The following CRBN variants were observed in gnomAD, a reference collection of about 807,000 sequenced individuals.
The protein encoded by CRBN is cereblon.
CRBN carries 53 observed loss-of-function variants against 62.2 expected under a neutral mutation model. The ratio of observed to expected loss-of-function variants is 0.85; its 90% CI spans 0.68 to 1.07. The LOEUF is 1.07. Among genes scored for constraint, CRBN ranks in the 50% least tolerant of loss-of-function variants. The pLI is 0.00. For missense variants in CRBN, 616 were observed against 531.1 expected (o/e 1.16, Z -1.57); for synonymous variants, 208 against 176.1 (o/e 1.18, Z -1.43).
chr3:3,152,766 G>C (rs536256622), intron 9 of CRBN, among the ~76,000 whole-genome samples, 179 bp from the exon 10 acceptor site: 1 of 152,172 alleles, frequency 6.6e-6, no homozygotes, highest in Non-Finnish European at 1.5e-5. Context: ...ACAGCTGGCA[G>C]ACAGGCCTGT....
intron 2 of CRBN, among the ~76,000 whole-genome samples, chr3:3,174,765 T>C (rs1259244568): frequency 6.6e-6 from 1 of 152,260 alleles, no homozygotes; most frequent in African/African-American, 2.4e-5. Flanking sequence ...TTCTAATCTT[T>C]TATGAATATA....
Position 3,152,579 on chromosome 3 carries a change from A to G in CRBN, c.1025T>C (p.Leu342Ser). The G allele has an allele frequency of 6.2e-7, 1 of 1,614,100 alleles. No homozygotes were observed. The part of the protein sequence containing the change: ...TTKNEIFSLS[L>S]CGPMAAYVNP... The stretch of plus-strand genomic sequence containing the variant: ...CACATAAGCTGCCATCGGCCCACAT[A>G]AGGATAAACTAAAACAAAGAATCAA... The change falls in exon 10 of 11, where the codon TTA becomes TCA. Residue 342 changes from leucine to serine, a missense_variant. Leu to Ser is a moderately radical substitution (Grantham distance 145, BLOSUM62 -2). Transcript: ENST00000231948.
chr3:3,173,905 C>T, intron 3 of CRBN, 154 bp downstream of exon 3: 1 of 688,986 alleles, frequency 1.5e-6, no homozygotes, highest in Non-Finnish European at 2.6e-6. Flanking sequence ...CCAACTTGCA[C>T]TATCAAACTT....
At chr3:3,166,250 C>T (rs1227945443) in intron 5 of CRBN, among the ~76,000 whole-genome samples, 3 of 152,180 alleles carry the variant, frequency 2.0e-5, no homozygotes, top group Non-Finnish European at 4.4e-5. Context: ...GAATGAGTCT[C>T]ATGAGATCTG....
At chr3:3,169,855 G>C (rs1707525708) in intron 4 of CRBN, among the ~76,000 whole-genome samples, 1 of 151,608 alleles carries the variant, frequency 6.6e-6, no homozygotes, top group Admixed American at 6.6e-5. Context: ...TAAGAAGTAG[G>C]AACTTCTGAA....
At position 3,151,753 on chromosome 3, in the gene CRBN, C is replaced by CT. The variant is rs1706568279; in HGVS notation, c.1148+702dup. ...CATGTAATCCCTTCTTAGCATCCCT[C>CT]TTTGAAAACTGAAGATAGTACAGCT... is the stretch of plus-strand genomic sequence containing the variant. On this transcript the variant is annotated intron_variant, in intron 10 of 10. Coordinates refer to ENST00000231948, the MANE Select transcript of CRBN (RefSeq NM_016302.4). Among the ~76,000 whole-genome samples, 14 of 152,246 alleles carry CT rather than the reference C, an allele frequency of 9.2e-5. No homozygotes were observed. The South Asian group carries it at 2.9e-3, about 32-fold the overall frequency.
chr3:3,155,576 A>C (rs1284386541), intron 6 of CRBN: 1 of 153,434 alleles, frequency 6.5e-6, no homozygotes, highest in Admixed American at 6.5e-5. Flanking sequence ...CCATTTCAGC[A>C]CTGTCCCTTA....
chr3:3,156,206 G>C lies in CRBN; in HGVS notation c.750+13C>G. 1 of 1,602,356 alleles carries C rather than the reference G, an allele frequency of 6.2e-7. No homozygotes were observed. The highest frequency in any genetic ancestry group is 8.5e-7 in the Non-Finnish European group (1 of 1,169,668). On this transcript the variant is annotated intron_variant, in intron 6 of 10. Transcript: ENST00000231948. The stretch of plus-strand genomic sequence containing the variant: ...CTACCATATATAAAGTAAATTTAAG[G>C]TAAGTTACTTACAGCATCATATAAG...
intron 10 of CRBN, 89 bp from the exon 11 acceptor site, chr3:3,151,134 G>A (rs1706513037): frequency 7.4e-7 from 1 of 1,357,100 alleles, no homozygotes; most frequent in Non-Finnish European, 1.0e-6. Flanking sequence ...AGACTTTAGA[G>A]GCAAATTCTA....
intron 6 of CRBN, 122 bp downstream of exon 6, chr3:3,156,097 C>T: frequency 1.2e-6 from 1 of 862,298 alleles, no homozygotes; most frequent in African/African-American, 1.7e-5. Flanking sequence ...AGCCACCACT[C>T]TTAACGATAT....
chr3:3,161,123 CA>C (rs1707122465), intron 5 of CRBN, among the ~76,000 whole-genome samples: 1 of 151,990 alleles, frequency 6.6e-6, no homozygotes, highest in Non-Finnish European at 1.5e-5. Context: ...GTAAGAACAA[CA>C]ACAAAAAAAC....
chr3:3,175,838 A>C (rs1241351890), intron 1 of CRBN, among the ~76,000 whole-genome samples: 3 of 152,146 alleles, frequency 2.0e-5, no homozygotes, highest in Non-Finnish European at 4.4e-5. Context: ...GATTAGACTG[A>C]GGATACGTGT....
intron 5 of CRBN, among the ~76,000 whole-genome samples, chr3:3,166,882 G>C (rs1000102252): frequency 1.3e-5 from 2 of 151,048 alleles, no homozygotes; most frequent in African/African-American, 4.9e-5. Context: ...ACTCAACAAA[G>C]GAATGATTAA....
intron 6 of CRBN, chr3:3,155,398 G>A (rs1706841541): frequency 6.5e-6 from 1 of 154,800 alleles, no homozygotes; most frequent in African/African-American, 2.4e-5. Context: ...TTCATTAAGG[G>A]AAATGGCTAG....
At chr3:3,179,576 G>A (rs1707985448) in intron 1 of CRBN, 45 bp downstream of exon 1, 2 of 1,586,380 alleles carry the variant, frequency 1.3e-6, no homozygotes, top group African/African-American at 1.3e-5. Flanking sequence ...GCGGCTCCGA[G>A]CCTCGCCCCA....
chr3:3,150,650 T>C lies in CRBN; in HGVS notation c.*215A>G. ...ACCAAGCTACCCAAGTAGATGTTTC[T>C]GGTATTCTAGACTGCCGTTCATGCT... On this transcript the variant is annotated 3_prime_UTR_variant, in exon 11 of 11. Transcript: ENST00000231948. 2 of 494,034 alleles carry C rather than the reference T, an allele frequency of 4.0e-6. No individual in the cohort carries two copies. Among genetic ancestry groups the C allele is most frequent in the South Asian group, 4.3e-5 (2 of 46,934 alleles). The allele number at this position is 494,034 out of a possible 1,614,324, so 30.6% of individuals were successfully genotyped here.
intron 2 of CRBN, 109 bp from the exon 3 acceptor site, chr3:3,174,370 G>A: frequency 2.2e-6 from 2 of 897,038 alleles, no homozygotes; most frequent in Non-Finnish European, 3.5e-6. Flanking sequence ...GCCGGGCACA[G>A]TGGCTCACAC....
At chr3:3,175,047 C>A (rs1707775963) in intron 2 of CRBN, 116 bp downstream of exon 2, 1 of 342,472 alleles carries the variant, frequency 2.9e-6, no homozygotes, top group Non-Finnish European at 5.9e-6. Context: ...TAGCCCATGT[C>A]CTCATCCACA....
chr3:3,162,875 A>C (rs971939334), intron 5 of CRBN, among the ~76,000 whole-genome samples: 1 of 152,218 alleles, frequency 6.6e-6, no homozygotes, highest in Non-Finnish European at 1.5e-5. Flanking sequence ...AGCAAGCTCT[A>C]TGAAGACAGG....
Sources: allele counts gnomAD v4.1 joint callset (sites outside exome capture counted in the v4.1 genomes callset), GRCh38; gene constraint gnomAD v4.1.1; transcripts MANE v1.5; gene names NCBI Gene and HGNC (gene_info 2026-07-23, HGNC 2026-07-21).